The following RCL1 variants were observed in gnomAD, a reference collection of about 807,000 sequenced individuals.
The protein encoded by RCL1 is RNA terminal phosphate cyclase like 1, also known as RNA 3'-terminal phosphate cyclase-like protein.
Under a neutral mutation model 42.4 loss-of-function variants are expected in RCL1, and 24 were observed. The ratio of observed to expected loss-of-function variants is 0.57; its 90% CI spans 0.41 to 0.80. The LOEUF is 0.80. Among genes scored for constraint, RCL1 ranks in the 30% least tolerant of loss-of-function variants. The pLI, the probability that RCL1 is intolerant of heterozygous loss-of-function variation, is 0.00. For missense variants in RCL1, 578 were observed against 467.9 expected, an observed-to-expected ratio of 1.24 and a Z score of -2.17; for synonymous variants, 228 against 177.3, an observed-to-expected ratio of 1.29 and a Z score of -2.27.
At chr9:4,819,484 A>T (rs1816508391) in intron 1 of RCL1, among the ~76,000 whole-genome samples, 1 of 152,224 alleles carries the variant, frequency 6.6e-6, no homozygotes, top group African/African-American at 2.4e-5. Flanking sequence ...CTTTATCCGC[A>T]GAAATGGTCA....
At chr9:4,800,288 C>G (rs1056800421) in intron 1 of RCL1, among the ~76,000 whole-genome samples, 6 of 152,020 alleles carry the variant, frequency 3.9e-5, no homozygotes, top group Non-Finnish European at 8.8e-5. Context: ...GATCTTGGCT[C>G]ACTGCACCCT....
rs1009284658 is a variant in RCL1 at position 4,813,181 on chromosome 9, C to T, written c.137-10367C>T. Among the ~76,000 whole-genome samples, 7 of 152,104 alleles carry T rather than the reference C, an allele frequency of 4.6e-5. 1 individual carries two copies. The highest frequency in any genetic ancestry group is 4.4e-5 in the Non-Finnish European group (3 of 68,034). On this transcript the variant is annotated intron_variant, in intron 1 of 8. Transcript: ENST00000381750. ...TTAGAGGAAAAGCTTTAAAATTTCC[C>T]CCATTTGATCTAATTAAACTAAAGA...
chr9:4,854,146 G>A (rs1194061150), intron 8 of RCL1, among the ~76,000 whole-genome samples: 1 of 152,128 alleles, frequency 6.6e-6, no homozygotes, highest in Admixed American at 6.5e-5. Flanking sequence ...TTCCTTCTCA[G>A]ATAAAAAAGA....
At chr9:4,798,203 A>G (rs1842944288) in intron 1 of RCL1, among the ~76,000 whole-genome samples, 1 of 152,222 alleles carries the variant, frequency 6.6e-6, no homozygotes, top group Non-Finnish European at 1.5e-5. Context: ...ATTATAAAGC[A>G]GCTGTCCAAA....
Position 4,819,431 on chromosome 9 carries a change from T to C in RCL1, c.137-4117T>C, listed in dbSNP as rs555951541. 2.2e-3 allele frequency among the ~76,000 whole-genome samples: 331 copies of C among 152,392 alleles called. 1 individual carries two copies. The highest frequency in any genetic ancestry group is 3.5e-3 in the Admixed American group (54 of 15,308). ...TGTTTTTTTCCCCAGGCTTTTTCTT[T>C]TTCATAAATAAGCAAATATATGTAC... On this transcript the variant is annotated intron_variant, in intron 1 of 8. Coordinates refer to ENST00000381750, the MANE Select transcript of RCL1 (RefSeq NM_005772.5).
chr9:4,822,290 T>C (rs906150131), intron 1 of RCL1, among the ~76,000 whole-genome samples: 2 of 152,134 alleles, frequency 1.3e-5, no homozygotes, highest in African/African-American at 4.8e-5. Flanking sequence ...GGAGTGGGAA[T>C]TGTCTAAAAG....
intron 1 of RCL1, among the ~76,000 whole-genome samples, chr9:4,817,563 T>G (rs886496295): frequency 9.9e-5 from 15 of 151,672 alleles, no homozygotes; most frequent in African/African-American, 3.6e-4. Context: ...AGCCTCAACC[T>G]CTTGGGCTCA....
intron 1 of RCL1, among the ~76,000 whole-genome samples, chr9:4,809,044 CT>C (rs924460306): frequency 5.3e-5 from 8 of 150,784 alleles, no homozygotes; most frequent in African/African-American, 7.3e-5. Context: ...TATATGTGCA[CT>C]TTTTTTTTAA....
intron 8 of RCL1, among the ~76,000 whole-genome samples, chr9:4,853,972 C>G (rs1817846775): frequency 6.6e-6 from 1 of 152,164 alleles, no homozygotes; most frequent in African/African-American, 2.4e-5. Flanking sequence ...GAACTGCCGG[C>G]CAAGCCTGCC....
At chr9:4,852,805 A>G (rs1001343552) in intron 8 of RCL1, among the ~76,000 whole-genome samples, 2 of 149,642 alleles carry the variant, frequency 1.3e-5, no homozygotes, top group Non-Finnish European at 3.0e-5. Flanking sequence ...GAGGAGCAGG[A>G]CTACCCCAGA....
intron 3 of RCL1, among the ~76,000 whole-genome samples, chr9:4,827,922 T>C (rs954686899): frequency 6.6e-6 from 1 of 151,962 alleles, no homozygotes; most frequent in Non-Finnish European, 1.5e-5. Context: ...CGCAGTGGCT[T>C]ACGCCTGTAA....
At chr9:4,814,602 G>T (rs1202266359) in intron 1 of RCL1, among the ~76,000 whole-genome samples, 1 of 152,138 alleles carries the variant, frequency 6.6e-6, no homozygotes, top group African/African-American at 2.4e-5. Context: ...TGGTTGATTC[G>T]TGTCTCCTTT....
At chr9:4,809,198 T>A (rs1027441281) in intron 1 of RCL1, among the ~76,000 whole-genome samples, 1 of 152,148 alleles carries the variant, frequency 6.6e-6, no homozygotes, top group Non-Finnish European at 1.5e-5. Context: ...TAATCTTCAG[T>A]GTTTGTCATT....
intron 8 of RCL1, among the ~76,000 whole-genome samples, chr9:4,859,070 T>C (rs1426419595): frequency 6.6e-6 from 1 of 152,214 alleles, no homozygotes. Context: ...AACCTGTGTA[T>C]TTAATGAACT....
At chr9:4,808,616 G>A (rs1816063258) in intron 1 of RCL1, among the ~76,000 whole-genome samples, 1 of 152,074 alleles carries the variant, frequency 6.6e-6, no homozygotes, top group Admixed American at 6.5e-5. Context: ...AGTTTTTTAG[G>A]GTGAAAGAAA....
chr9:4,839,802 G>A, intron 5 of RCL1: 1 of 971,346 alleles, frequency 1.0e-6, no homozygotes, highest in Non-Finnish European at 1.2e-6. Flanking sequence ...CCCTTATAGA[G>A]TGTGTGGTCT....
chr9:4,794,088 C>T (rs1229864851), intron 1 of RCL1, among the ~76,000 whole-genome samples: 1 of 152,156 alleles, frequency 6.6e-6, no homozygotes, highest in Non-Finnish European at 1.5e-5. Context: ...TTGGGCGAGT[C>T]AGTAGTCAGG....
intron 3 of RCL1, 90 bp downstream of exon 3, chr9:4,827,123 G>C: frequency 1.9e-6 from 3 of 1,581,114 alleles, no homozygotes; most frequent in Admixed American, 3.7e-5. Flanking sequence ...ATAAGGCACA[G>C]TTTTATTACA....
In RCL1 at chr9:4,809,858, C is replaced by G. The variant is rs552153347; in HGVS notation, c.137-13690C>G. Among the ~76,000 whole-genome samples the G allele has an allele frequency of 2.0e-5, 3 of 152,130 alleles. No homozygotes were observed. In the South Asian group the frequency reaches 6.2e-4, roughly 32 times the overall value. On this transcript the variant is annotated intron_variant, in intron 1 of 8. Coordinates refer to ENST00000381750, the MANE Select transcript of RCL1 (RefSeq NM_005772.5). ...TCAAGATGGAGTCTCACTCTGTCACCCAGGCTGGAATGCAGTGGCGTGATC... is the reference window on the plus strand; with the variant it reads ...TCAAGATGGAGTCTCACTCTGTCACGCAGGCTGGAATGCAGTGGCGTGATC...
Sources: gnomAD v4.1 joint callset for allele counts (sites outside exome capture counted in the v4.1 genomes callset) on GRCh38, gnomAD v4.1.1 for gene constraint, MANE v1.5 for transcripts, NCBI Gene and HGNC (gene_info 2026-07-23, HGNC 2026-07-21) for gene names.